CALN1: variants seen among roughly 807,000 people sequenced by gnomAD.
CALN1 encodes calcium-binding protein 8.
A neutral mutation model predicts 30.6 loss-of-function variants in CALN1; 17 were observed. That is an observed-to-expected ratio of 0.56 (90% CI 0.38 to 0.83). The LOEUF (loss-of-function observed/expected upper bound fraction) is 0.83. Ranked by LOEUF, CALN1 falls within the 40% of genes least tolerant of loss-of-function variation. The pLI is 0.00. For synonymous variants in CALN1, 156 were observed against 131.4 expected, an observed-to-expected ratio of 1.19 and a Z score of -1.28; for missense variants, 291 against 354.9, an observed-to-expected ratio of 0.82 and a Z score of 1.45.
In CALN1 at chr7:71,899,893, G is replaced by T. The variant is rs1793756854; in HGVS notation, c.502-89401C>A. Among the ~76,000 whole-genome samples, 3 of 152,250 alleles carry T rather than the reference G, an allele frequency of 2.0e-5. No individual in the cohort carries two copies. In the South Asian group the frequency reaches 6.2e-4, roughly 32 times the overall value. The stretch of plus-strand genomic sequence containing the variant: ...ATTCTCATCACATAAATAAATGTAA[G>T]CTCTAGAAGGACTGAAGAATTTAAT... On this transcript the variant is annotated intron_variant, in intron 5 of 6. Coordinates refer to ENST00000395275, the MANE Select transcript of CALN1 (RefSeq NM_031468.4).
At chr7:72,087,068 C>T (rs1805530765) in intron 4 of CALN1, among the ~76,000 whole-genome samples, 1 of 152,066 alleles carries the variant, frequency 6.6e-6, no homozygotes, top group East Asian at 1.9e-4. Flanking sequence ...AAATAATGTC[C>T]ATCTCAGACA....
At chr7:71,880,732 T>C (rs1792513482) in intron 5 of CALN1, among the ~76,000 whole-genome samples, 1 of 152,146 alleles carries the variant, frequency 6.6e-6, no homozygotes, top group South Asian at 2.1e-4. Context: ...TAACTAACAA[T>C]AAAATCCCCA....
intron 3 of CALN1, among the ~76,000 whole-genome samples, chr7:72,121,119 T>C (rs1210826246): frequency 6.8e-6 from 1 of 146,648 alleles, no homozygotes; most frequent in Non-Finnish European, 1.5e-5. Context: ...AAAATCTATA[T>C]CTATTATAAT....
chr7:72,143,358 G>A (rs553508390), intron 3 of CALN1, among the ~76,000 whole-genome samples: 7 of 152,192 alleles, frequency 4.6e-5, no homozygotes, highest in South Asian at 2.1e-4. Flanking sequence ...TTCGATCAAC[G>A]GGAAGAAAGG....
chr7:71,847,480 T>C (rs1790332027), intron 5 of CALN1, among the ~76,000 whole-genome samples: 2 of 151,224 alleles, frequency 1.3e-5, no homozygotes, highest in Non-Finnish European at 2.9e-5. Flanking sequence ...TGAAACCCCA[T>C]CTCTACTAAA....
intron 4 of CALN1, among the ~76,000 whole-genome samples, chr7:72,041,355 G>A (rs543799028): frequency 6.6e-6 from 1 of 151,952 alleles, no homozygotes; most frequent in South Asian, 2.1e-4. Flanking sequence ...ATATATTTTG[G>A]CTGTGTCCCT....
At chr7:72,256,418 C>T (rs934471286) in intron 3 of CALN1, among the ~76,000 whole-genome samples, 5 of 151,992 alleles carry the variant, frequency 3.3e-5, no homozygotes, top group East Asian at 3.9e-4. Flanking sequence ...TATGATCATG[C>T]CACTGCACTC....
intron 2 of CALN1, among the ~76,000 whole-genome samples, chr7:72,302,078 T>G (rs1381242442): frequency 6.6e-6 from 1 of 151,036 alleles, no homozygotes; most frequent in Non-Finnish European, 1.5e-5. Flanking sequence ...TGAAGAAAGT[T>G]TAAAGAACTG....
At chr7:71,926,599 T>C (rs1455847374) in intron 5 of CALN1, among the ~76,000 whole-genome samples, 1 of 152,220 alleles carries the variant, frequency 6.6e-6, no homozygotes, top group Non-Finnish European at 1.5e-5. Flanking sequence ...TCCCTATCTC[T>C]TTCTAATCCT....
rs1347291322 is a variant in CALN1 at position 72,102,870 on chromosome 7, C to T, written c.388+3281G>A. Among the ~76,000 whole-genome samples the T allele has an allele frequency of 8.5e-5, 13 of 152,054 alleles. No individual in the cohort carries two copies. In the South Asian group the frequency reaches 1.5e-3, roughly 17 times the overall value. On this transcript the variant is annotated intron_variant, in intron 4 of 6. Coordinates refer to ENST00000395275, the MANE Select transcript of CALN1 (RefSeq NM_031468.4). ...CAGGCGGATCACAAGGTCAAGAGAT[C>T]GAGACCATCCTGCCCACCATGGTGA...
chr7:72,332,126 G>T (rs1801719539), intron 2 of CALN1, among the ~76,000 whole-genome samples: 1 of 152,110 alleles, frequency 6.6e-6, no homozygotes, highest in South Asian at 2.1e-4. Context: ...ATGATTCCAT[G>T]TCTTTGCTAT....
At chr7:72,275,547 C>G (rs771949594) in intron 3 of CALN1, among the ~76,000 whole-genome samples, 1 of 152,104 alleles carries the variant, frequency 6.6e-6, no homozygotes, top group Non-Finnish European at 1.5e-5. Flanking sequence ...ATAAGTAGAA[C>G]GAATCTTCTG....
intron 3 of CALN1, among the ~76,000 whole-genome samples, chr7:72,275,585 C>T (rs967886781): frequency 1.3e-5 from 2 of 152,126 alleles, no homozygotes; most frequent in African/African-American, 4.8e-5. Flanking sequence ...CTTCCCCAGG[C>T]TGAGAGCCTG....
chr7:72,102,423 C>T (rs761590186), intron 4 of CALN1, among the ~76,000 whole-genome samples: 6 of 151,778 alleles, frequency 4.0e-5, no homozygotes, highest in Non-Finnish European at 7.4e-5. Flanking sequence ...GCAGCCTGGG[C>T]GTAAGACAGA....
chr7:72,166,751 C>T (rs372568193), intron 3 of CALN1, among the ~76,000 whole-genome samples: 4 of 152,062 alleles, frequency 2.6e-5, no homozygotes, highest in Non-Finnish European at 5.9e-5. Context: ...ATAAAAATAC[C>T]AAGGTAGTCC....
At chr7:72,024,757 C>CTATCTCTT (rs147471658) in intron 4 of CALN1, among the ~76,000 whole-genome samples, 2,763 of 152,172 alleles carry the variant, frequency 0.018, 97 homozygotes, top group African/African-American at 0.064. Context: ...TCAAGCCTCA[C>CTATCTCTT]TATCTCTTTT....
At position 72,344,826 on chromosome 7, in the gene CALN1, A is replaced by G. The variant is rs890865014; in HGVS notation, c.119+58425T>C. On this transcript the variant is annotated intron_variant, in intron 2 of 6. Coordinates refer to ENST00000395275, the MANE Select transcript of CALN1 (RefSeq NM_031468.4). ...AAAAATGAAATCCAGGTTAAATATTATACATTAAAAAATATAAGTATATAT... is the reference window on the plus strand; with the variant it reads ...AAAAATGAAATCCAGGTTAAATATTGTACATTAAAAAATATAAGTATATAT... Among the ~76,000 whole-genome samples, 11 of 147,638 alleles carry G rather than the reference A, an allele frequency of 7.5e-5. 1 individual carries two copies. The highest frequency in any genetic ancestry group is 5.4e-4 in the Admixed American group (8 of 14,702).
At chr7:72,031,837 G>C (rs1164688973) in intron 4 of CALN1, among the ~76,000 whole-genome samples, 2 of 150,464 alleles carry the variant, frequency 1.3e-5, no homozygotes, top group Non-Finnish European at 2.9e-5. Context: ...CGCCTTCCGG[G>C]TTCAAGTGAT....
At chr7:72,130,588 G>A (rs531126926) in intron 3 of CALN1, among the ~76,000 whole-genome samples, 1 of 152,080 alleles carries the variant, frequency 6.6e-6, no homozygotes, top group Non-Finnish European at 1.5e-5. Flanking sequence ...AACGTGTAGA[G>A]TATGTCTGGA....
Sources: gnomAD v4.1 joint callset for allele counts (sites outside exome capture counted in the v4.1 genomes callset) on GRCh38, gnomAD v4.1.1 for gene constraint, MANE v1.5 for transcripts, NCBI Gene and HGNC (gene_info 2026-07-23, HGNC 2026-07-21) for gene names.